The following CATSPERT variants were observed in gnomAD, a reference collection of about 807,000 sequenced individuals.
CATSPERT encodes catsper channel auxiliary subunit tau.
At chr2:201,497,133 G>A in the CATSPERT span, among the ~76,000 whole-genome samples, 1 of 152,300 alleles carries the variant, frequency 6.6e-6, no homozygotes, top group African/African-American at 2.4e-5. Context: ...TTTTATTAGA[G>A]ATACTTTTAG....
At chr2:201,548,172 G>A in the CATSPERT span, among the ~76,000 whole-genome samples, 1 of 152,014 alleles carries the variant, frequency 6.6e-6, no homozygotes, top group Non-Finnish European at 1.5e-5. Context: ...TTTACATTAA[G>A]TATTTCTCCT....
the CATSPERT span, chr2:201,491,293 T>G: frequency 6.5e-7 from 1 of 1,537,944 alleles, no homozygotes; most frequent in East Asian, 2.4e-5. Flanking sequence ...CTTTTTTGGT[T>G]GGGCGACACG....
At chr2:201,534,994 GAAAAT>G in the CATSPERT span, 1 of 478,166 alleles carries the variant, frequency 2.1e-6, no homozygotes, top group Admixed American at 6.4e-5. Flanking sequence ...AAGACTAAAA[GAAAAT>G]AAAATTGTTA....
chr2:201,492,919 G>C, the CATSPERT span: 467 of 1,536,466 alleles, frequency 3.0e-4, no homozygotes, highest in Non-Finnish European at 3.3e-4. Context: ...TTCTGACTCT[G>C]AGAGTTCTTC....
the CATSPERT span, among the ~76,000 whole-genome samples, chr2:201,497,389 A>G: frequency 6.6e-6 from 1 of 152,146 alleles, no homozygotes; most frequent in South Asian, 2.1e-4. Flanking sequence ...ATTTCTCCCA[A>G]ATCTCTCTTA....
chr2:201,565,409 G>A, the CATSPERT span, among the ~76,000 whole-genome samples: 1 of 152,104 alleles, frequency 6.6e-6, no homozygotes, highest in Non-Finnish European at 1.5e-5. Context: ...AAGAGTTTGG[G>A]GCTGCAGTGA....
At chr2:201,597,198 A>T in the CATSPERT span, among the ~76,000 whole-genome samples, 1 of 152,112 alleles carries the variant, frequency 6.6e-6, no homozygotes, top group Non-Finnish European at 1.5e-5. Context: ...CCTTTCTGGG[A>T]TCTCAACAGA....
chr2:201,602,947 T>A, the CATSPERT span, among the ~76,000 whole-genome samples: 1 of 152,156 alleles, frequency 6.6e-6, no homozygotes, highest in East Asian at 1.9e-4. Flanking sequence ...CATTTCAGCA[T>A]CCCTGCTAAG....
At chr2:201,562,536 T>C in the CATSPERT span, among the ~76,000 whole-genome samples, 2 of 149,898 alleles carry the variant, frequency 1.3e-5, no homozygotes, top group Non-Finnish European at 3.0e-5. Flanking sequence ...ATTTTTTTTA[T>C]TGATCATTCT....
chr2:201,618,993 C>T, the CATSPERT span: 1 of 1,614,010 alleles, frequency 6.2e-7, no homozygotes, highest in South Asian at 1.1e-5. Flanking sequence ...AAGAAGCCTC[C>T]GACCCTTTAA....
At chr2:201,574,338 A>G in the CATSPERT span, 3 of 1,391,994 alleles carry the variant, frequency 2.2e-6, no homozygotes, top group Admixed American at 6.6e-5. Flanking sequence ...GAAGGGACAA[A>G]AAGTGATATT....
At chr2:201,583,663 G>A in the CATSPERT span, among the ~76,000 whole-genome samples, 1 of 152,140 alleles carries the variant, frequency 6.6e-6, no homozygotes, top group Non-Finnish European at 1.5e-5. Context: ...CAAATCTTGC[G>A]TAGAGCTCCT....
the CATSPERT span, among the ~76,000 whole-genome samples, chr2:201,506,763 C>T: frequency 3.3e-5 from 5 of 152,238 alleles, no homozygotes; most frequent in Non-Finnish European, 5.9e-5. Flanking sequence ...CCGTGTTAGC[C>T]GGGATGGTCT....
chr2:201,583,524 T>C, the CATSPERT span, among the ~76,000 whole-genome samples: 79 of 152,354 alleles, frequency 5.2e-4, no homozygotes, highest in South Asian at 4.1e-3. Flanking sequence ...GTAAACATTA[T>C]ATTATGTATA....
chr2:201,506,709 A>G, the CATSPERT span, among the ~76,000 whole-genome samples: 3 of 152,162 alleles, frequency 2.0e-5, no homozygotes, highest in East Asian at 5.8e-4. Context: ...GCCTGCCACC[A>G]TGCCTGGCTA....
the CATSPERT span, among the ~76,000 whole-genome samples, chr2:201,497,872 A>G: frequency 1.3e-5 from 2 of 152,158 alleles, no homozygotes; most frequent in African/African-American, 2.4e-5. Context: ...AGAAAATATT[A>G]TTTCAAAAAG....
chr2:201,599,793 A>G, the CATSPERT span, among the ~76,000 whole-genome samples: 1 of 152,216 alleles, frequency 6.6e-6, no homozygotes, highest in African/African-American at 2.4e-5. Flanking sequence ...ACCTTACTAT[A>G]TACTTTACAT....
At chr2:201,583,633 C>T in the CATSPERT span, among the ~76,000 whole-genome samples, 3 of 152,240 alleles carry the variant, frequency 2.0e-5, no homozygotes, top group South Asian at 2.1e-4. Flanking sequence ...GTAGTGGGCT[C>T]GGTTGCCTTA....
At chr2:201,594,754 C>G in the CATSPERT span, among the ~76,000 whole-genome samples, 6 of 152,244 alleles carry the variant, frequency 3.9e-5, no homozygotes, top group African/African-American at 1.4e-4. Flanking sequence ...GATACCTTTT[C>G]TTCTAGTTGA....
Sources: allele counts gnomAD v4.1 joint callset (sites outside exome capture counted in the v4.1 genomes callset), GRCh38; gene constraint gnomAD v4.1.1; transcripts MANE v1.5; gene names NCBI Gene and HGNC (gene_info 2026-07-23, HGNC 2026-07-21).